Variants in ZMIZ1 observed in about 807,000 individuals in gnomAD.
ZMIZ1 encodes the protein zinc finger MIZ domain-containing protein 1.
Under a neutral mutation model 113.9 loss-of-function variants are expected in ZMIZ1, and 17 were observed. The ratio of observed to expected loss-of-function variants is 0.15; its 90% CI spans 0.10 to 0.22. The LOEUF is 0.22. Among genes scored for constraint, ZMIZ1 ranks in the 10% least tolerant of loss-of-function variants. The pLI, the probability that ZMIZ1 is intolerant of heterozygous loss-of-function variation, is 1.00. For missense variants in ZMIZ1, 1,059 were observed against 1,477.8 expected, an observed-to-expected ratio of 0.72 and a Z score of 4.65; for synonymous variants, 607 against 603.1, an observed-to-expected ratio of 1.01 and a Z score of -0.09.
intron 1 of ZMIZ1, among the ~76,000 whole-genome samples, chr10:79,117,122 C>T (rs926553768): frequency 6.6e-6 from 1 of 152,272 alleles, no homozygotes; most frequent in African/African-American, 2.4e-5. Flanking sequence ...ACACCTCCCT[C>T]CATGGCCTGC....
chr10:79,194,802 T>C (rs1847764067), intron 4 of ZMIZ1, among the ~76,000 whole-genome samples: 1 of 152,190 alleles, frequency 6.6e-6, no homozygotes, highest in Non-Finnish European at 1.5e-5. Context: ...TAATAGCCGC[T>C]AACTTTTCTT....
At position 79,253,782 on chromosome 10, in the gene ZMIZ1, T is replaced by C. The variant is rs954411458; in HGVS notation, c.281-23399T>C. On this transcript the variant is annotated intron_variant, in intron 7 of 24. Coordinates refer to ENST00000334512, the MANE Select transcript of ZMIZ1 (RefSeq NM_020338.4). ...GAGAGGCCCCTGAGCAAAGGAAGGA[T>C]GACTGTGACCCCAAAGATATCCATC... Among the ~76,000 whole-genome samples, 5 of 152,162 alleles carry C rather than the reference T, an allele frequency of 3.3e-5. No individual in the cohort carries two copies. The East Asian group carries it at 9.6e-4, about 29-fold the overall frequency.
intron 11 of ZMIZ1, 100 bp from the exon 12 acceptor site, chr10:79,293,281 C>G: frequency 6.5e-6 from 9 of 1,375,672 alleles, no homozygotes; most frequent in Non-Finnish European, 8.9e-6. Context: ...CCTCCCCACT[C>G]CTCCACCTCC....
At chr10:79,251,768 T>G (rs1349425409) in intron 7 of ZMIZ1, among the ~76,000 whole-genome samples, 1 of 152,182 alleles carries the variant, frequency 6.6e-6, no homozygotes, top group Non-Finnish European at 1.5e-5. Flanking sequence ...CAGGTATGTC[T>G]TCATTTGATT....
chr10:79,210,767 TTGAAGGGTTGTCAGC>T lies in ZMIZ1; in HGVS notation c.174+2319_174+2333del, dbSNP rs1848498263. Among the ~76,000 whole-genome samples the T allele has an allele frequency of 2.6e-5, 4 of 152,136 alleles. No homozygotes were observed. The South Asian group carries it at 8.3e-4, about 32-fold the overall frequency. ...TTATTTGGAGGGCAATGGGGAGCCC[TTGAAGGGTTGTCAGC>T]AGGAGAGTGATGGGCTATGATTTGT... is the stretch of plus-strand genomic sequence containing the variant. On this transcript the variant is annotated intron_variant, in intron 6 of 24. Transcript: ENST00000334512.
At chr10:79,241,681 G>T (rs1244944131) in intron 7 of ZMIZ1, among the ~76,000 whole-genome samples, 1 of 152,186 alleles carries the variant, frequency 6.6e-6, no homozygotes, top group East Asian at 1.9e-4. Flanking sequence ...GGCAGTGGGT[G>T]GGATTAGAGC....
At position 79,162,078 on chromosome 10, in the gene ZMIZ1, G is replaced by A. The variant is rs1846134571; in HGVS notation, c.-105G>A. Reference sequence around the variant, plus strand: ...CAGGATGGAGCTGGAGTGAGGTGGAGGGGCCGCAAGCTGCTGACCGGCGTG... The same window carrying A: ...CAGGATGGAGCTGGAGTGAGGTGGAAGGGCCGCAAGCTGCTGACCGGCGTG... On this transcript the variant is annotated 5_prime_UTR_variant, in exon 4 of 25. Transcript: ENST00000334512. 1 of 399,328 alleles carries A rather than the reference G, an allele frequency of 2.5e-6. No individual in the cohort carries two copies. The highest frequency in any genetic ancestry group is 4.4e-6 in the Non-Finnish European group (1 of 226,264). The allele number at this position is 399,328 out of a possible 1,614,324, so 24.7% of individuals were successfully genotyped here.
chr10:79,128,974 C>T (rs543927924), intron 2 of ZMIZ1, among the ~76,000 whole-genome samples: 2 of 152,272 alleles, frequency 1.3e-5, no homozygotes, highest in South Asian at 4.1e-4. Context: ...AGATTAGCAA[C>T]ATATGCACAG....
chr10:79,084,138 C>CT (rs1842737895), intron 1 of ZMIZ1, among the ~76,000 whole-genome samples: 1 of 152,352 alleles, frequency 6.6e-6, no homozygotes, highest in South Asian at 2.1e-4. Flanking sequence ...CACCTCCACT[C>CT]TTCAGTCAGG....
chr10:79,125,375 G>A (rs556271534), intron 2 of ZMIZ1, among the ~76,000 whole-genome samples: 88 of 152,338 alleles, frequency 5.8e-4, no homozygotes, highest in African/African-American at 2.0e-3. Flanking sequence ...CAGGTAGGCA[G>A]CATCTTTCCC....
At chr10:79,157,368 GGTGT>G (rs10573955) in intron 3 of ZMIZ1, among the ~76,000 whole-genome samples, 62,224 of 147,516 alleles carry the variant, frequency 0.42, 13,504 homozygotes, top group African/African-American at 0.55. Flanking sequence ...AGGCATAAGG[GGTGT>G]GTGTGTGTGT....
intron 4 of ZMIZ1, among the ~76,000 whole-genome samples, chr10:79,194,433 CTG>C (rs1439054218): frequency 2.0e-5 from 3 of 152,222 alleles, no homozygotes; most frequent in African/African-American, 4.8e-5. Flanking sequence ...GGACAGCTGA[CTG>C]TTCGGTTGGC....
At chr10:79,215,488 G>A (rs540945766) in intron 6 of ZMIZ1, among the ~76,000 whole-genome samples, 7 of 152,026 alleles carry the variant, frequency 4.6e-5, no homozygotes, top group African/African-American at 9.7e-5. Context: ...TAGGAGAGAC[G>A]GGGTTTCACC....
chr10:79,264,184 G>A (rs1039119454), intron 7 of ZMIZ1, among the ~76,000 whole-genome samples: 3 of 152,222 alleles, frequency 2.0e-5, no homozygotes, highest in African/African-American at 4.8e-5. Flanking sequence ...GAGTGGGACT[G>A]TTGACCCAGG....
chr10:79,255,511 G>T (rs185231647), intron 7 of ZMIZ1, among the ~76,000 whole-genome samples: 1 of 152,168 alleles, frequency 6.6e-6, no homozygotes, highest in African/African-American at 2.4e-5. Context: ...GTATATCTGC[G>T]TTCCTAACCA....
chr10:79,314,576 T>A lies in ZMIZ1; in HGVS notation c.*1827T>A, dbSNP rs1855416187. ...TCGCTTTTGTAAATATCTTTGTGAA[T>A]ATTTTAGTATCGTCTTTGATAATAT... On this transcript the variant is annotated 3_prime_UTR_variant, in exon 25 of 25. Transcript: ENST00000334512. The A allele has an allele frequency of 1.9e-5, 5 of 256,860 alleles. No homozygotes were observed. Among genetic ancestry groups the A allele is most frequent in the East Asian group, 2.3e-4 (2 of 8,882 alleles). 15.9% of individuals were successfully genotyped at this position (256,860 alleles called of 1,614,324 possible). A position where few individuals can be genotyped will look rare whatever the true frequency, so the allele number is the denominator to read the frequency against.
chr10:79,282,743 G>A (rs1852820323), intron 8 of ZMIZ1, among the ~76,000 whole-genome samples: 1 of 152,252 alleles, frequency 6.6e-6, no homozygotes, highest in Non-Finnish European at 1.5e-5. Context: ...CTATATCTGG[G>A]GGTAAGGGTG....
At chr10:79,137,829 G>T (rs536136350) in intron 2 of ZMIZ1, among the ~76,000 whole-genome samples, 12 of 150,008 alleles carry the variant, frequency 8.0e-5, no homozygotes, top group South Asian at 4.3e-4. Context: ...CCTCGGCTGG[G>T]GGGGGGGTGC....
rs1589628095 is a variant in ZMIZ1, at chr10:79,312,977, AC to A, written c.*231del. On this transcript the variant is annotated 3_prime_UTR_variant, in exon 25 of 25. Transcript: ENST00000334512. ...TCTGGAGCCCACGTCCCACCTCCAC[AC>A]CCTTGGCTTGGGCCCATGCCCAGCG... 2.0e-5 allele frequency: 11 copies of A among 551,160 alleles called. No individual in the cohort carries two copies. The highest frequency in any genetic ancestry group is 3.6e-5 in the Non-Finnish European group (11 of 308,384). The allele number at this position is 551,160 out of a possible 1,614,324, so 34.1% of individuals were successfully genotyped here.
Sources: gnomAD v4.1 joint callset for allele counts (sites outside exome capture counted in the v4.1 genomes callset) on GRCh38, gnomAD v4.1.1 for gene constraint, MANE v1.5 for transcripts, NCBI Gene and HGNC (gene_info 2026-07-23, HGNC 2026-07-21) for gene names.